NCAM1: variants seen among roughly 807,000 people sequenced by gnomAD.
NCAM1 encodes the protein neural cell adhesion molecule 1.
Under a neutral mutation model 109.8 loss-of-function variants are expected in NCAM1, and 14 were observed. The observed-to-expected ratio is 0.13, with a 90% CI of 0.08 to 0.20. The LOEUF is 0.20. NCAM1 is among the 10% of genes least tolerant of loss of function. The probability of loss-of-function intolerance (pLI) is 1.00; values close to 1 mark genes in which losing one functional copy is unlikely to be tolerated. For synonymous variants in NCAM1, 418 were observed against 442.9 expected (o/e 0.94, Z 0.70); for missense variants, 774 against 1,109.9 (o/e 0.70, Z 4.30).
At chr11:112,998,912 A>G (rs925995653) in intron 1 of NCAM1, among the ~76,000 whole-genome samples, 3 of 152,198 alleles carry the variant, frequency 2.0e-5, no homozygotes, top group African/African-American at 7.2e-5. Context: ...ACAAAGCTAA[A>G]GAGTTTCCTC....
intron 1 of NCAM1, among the ~76,000 whole-genome samples, chr11:113,131,731 C>T (rs1319973691): frequency 6.6e-6 from 1 of 152,194 alleles, no homozygotes; most frequent in African/African-American, 2.4e-5. Flanking sequence ...CCCAGCCAGG[C>T]AGCTGATAGG....
intron 1 of NCAM1, among the ~76,000 whole-genome samples, chr11:113,137,947 C>T (rs1555099771): frequency 2.0e-5 from 3 of 152,060 alleles, no homozygotes; most frequent in African/African-American, 7.2e-5. Context: ...AATTAGATGT[C>T]CGTAGCATAC....
At chr11:113,151,402 CT>C (rs1942219077) in intron 1 of NCAM1, among the ~76,000 whole-genome samples, 1 of 152,180 alleles carries the variant, frequency 6.6e-6, no homozygotes, top group Non-Finnish European at 1.5e-5. Context: ...CTTCGTGATC[CT>C]GAAAGCATTG....
intron 1 of NCAM1, among the ~76,000 whole-genome samples, chr11:113,160,510 C>A (rs1348270513): frequency 6.6e-6 from 1 of 152,148 alleles, no homozygotes; most frequent in Non-Finnish European, 1.5e-5. Context: ...ATGAAAGAAT[C>A]AGACACAACC....
Position 113,270,208 on chromosome 11 carries a change from G to A in NCAM1, c.2152G>A (p.Gly718Ser). 7.4e-6 allele frequency: 12 copies of A among 1,613,972 alleles called. No homozygotes were observed. The highest frequency in any genetic ancestry group is 1.0e-5 in the Non-Finnish European group (12 of 1,179,890). ...AIPANGSPTS[G>S]LSTGAIVGIL... Reference sequence around the variant, plus strand: ...TCAAGCCAACGGCAGCCCCACCTCAGGCCTGAGCACCGGGGCCATCGTGGG... The same window carrying A: ...TCAAGCCAACGGCAGCCCCACCTCAAGCCTGAGCACCGGGGCCATCGTGGG... Residue 718 changes from glycine (G) to serine (S), a missense_variant, in exon 18 of 20, where the codon GGC becomes AGC. Around this residue, in one of 4 missense-constraint regions of NCAM1, gnomAD observed 523 missense variants for 784.2 expected, o/e 0.67. Coordinates refer to ENST00000316851, the MANE Select transcript of NCAM1 (RefSeq NM_181351.5).
chr11:112,979,467 T>C (rs988199813), intron 1 of NCAM1, among the ~76,000 whole-genome samples: 1 of 151,774 alleles, frequency 6.6e-6, no homozygotes, highest in East Asian at 1.9e-4. Flanking sequence ...CACTGAGCAA[T>C]GGCAGAACAG....
chr11:113,188,648 T>C (rs1555109295), intron 1 of NCAM1, among the ~76,000 whole-genome samples: 3 of 152,146 alleles, frequency 2.0e-5, no homozygotes, highest in Non-Finnish European at 4.4e-5. Context: ...ACTGTTGAGG[T>C]TGATTCTATT....
At chr11:113,043,215 A>C (rs1283843135) in intron 1 of NCAM1, among the ~76,000 whole-genome samples, 1 of 152,300 alleles carries the variant, frequency 6.6e-6, no homozygotes, top group Admixed American at 6.5e-5. Flanking sequence ...TGTGGGTGCC[A>C]TGAAGGATTT....
chr11:113,262,811 A>T, intron 17 of NCAM1: 1 of 1,610,444 alleles, frequency 6.2e-7, no homozygotes, highest in Non-Finnish European at 8.5e-7. Context: ...AAACAACCAC[A>T]TTATCTCTGG....
Position 113,180,432 on chromosome 11 carries a change from G to GT in NCAM1, c.53-21946dup, listed in dbSNP as rs1943295921. ...GCAGGATAAAAACAAACTTTTAGAG[G>GT]TAAAAACTATAATGTGAAGTTTTTC... On this transcript the variant is annotated intron_variant, in intron 1 of 19. Coordinates refer to ENST00000316851, the MANE Select transcript of NCAM1 (RefSeq NM_181351.5). Among the ~76,000 whole-genome samples the GT allele has an allele frequency of 3.3e-5, 5 of 152,294 alleles. No homozygotes were observed. The South Asian group carries it at 1.0e-3, about 32-fold the overall frequency.
At chr11:113,001,737 T>G (rs559676544) in intron 1 of NCAM1, among the ~76,000 whole-genome samples, 19 of 152,260 alleles carry the variant, frequency 1.2e-4, no homozygotes, top group Admixed American at 1.3e-4. Context: ...GCCCTGAGTT[T>G]GCAGGTGACA....
intron 1 of NCAM1, among the ~76,000 whole-genome samples, chr11:113,006,820 G>A (rs1951904276): frequency 6.6e-6 from 1 of 152,178 alleles, no homozygotes; most frequent in Non-Finnish European, 1.5e-5. Context: ...TGGTGGAACA[G>A]CACTGGCTGT....
rs1292541090 is a variant in NCAM1, at chr11:113,273,316, A to T, written c.2456+1440A>T. 6 of 342,146 alleles carry T rather than the reference A, an allele frequency of 1.8e-5. No homozygotes were observed. Among genetic ancestry groups the T allele is most frequent in the Admixed American group, 3.9e-5 (1 of 25,810 alleles). 21.2% of individuals were successfully genotyped at this position (342,146 alleles called of 1,614,324 possible). ...CCAAGCGCCCCTGCTGGTGTCGGGGAGGCCTCTAAGGCTCCTCCGGCCAGC... is the reference window on the plus strand; with the variant it reads ...CCAAGCGCCCCTGCTGGTGTCGGGGTGGCCTCTAAGGCTCCTCCGGCCAGC... On this transcript the variant is annotated intron_variant, in intron 19 of 19. Coordinates refer to ENST00000316851, the MANE Select transcript of NCAM1 (RefSeq NM_181351.5). This position sits in a 1 kb window ranked among gnomAD's most constrained non-coding sequence, Gnocchi z 6.0.
chr11:113,026,318 G>A (rs1452287087), intron 1 of NCAM1, among the ~76,000 whole-genome samples: 2 of 152,202 alleles, frequency 1.3e-5, no homozygotes, highest in Admixed American at 6.5e-5. Flanking sequence ...AGTGGACCTA[G>A]AATGAAGTTA....
At chr11:113,229,532 T>C (rs1220365503) in intron 9 of NCAM1, among the ~76,000 whole-genome samples, 1 of 152,206 alleles carries the variant, frequency 6.6e-6, no homozygotes, top group Non-Finnish European at 1.5e-5. Flanking sequence ...TGGCGATTCC[T>C]CAGGGATCTA....
intron 1 of NCAM1, among the ~76,000 whole-genome samples, chr11:112,964,140 G>GT (rs1254307069): frequency 0.066 from 4,791 of 73,010 alleles, 76 homozygotes; most frequent in Non-Finnish European, 0.081. Context: ...TTTTTTTTTT[G>GT]TTTTTTTTTT....
intron 1 of NCAM1, among the ~76,000 whole-genome samples, chr11:113,192,598 A>G (rs1367447194): frequency 6.6e-6 from 1 of 152,202 alleles, no homozygotes; most frequent in African/African-American, 2.4e-5. Context: ...TAATGAGAGA[A>G]TGGCTCTATT....
chr11:112,984,217 T>A (rs1951232762), intron 1 of NCAM1, among the ~76,000 whole-genome samples: 1 of 152,034 alleles, frequency 6.6e-6, no homozygotes, highest in Admixed American at 6.6e-5. Flanking sequence ...TTATCTGTAT[T>A]GCCTTAATGG....
intron 1 of NCAM1, among the ~76,000 whole-genome samples, chr11:113,118,770 A>C (rs1940820370): frequency 6.6e-6 from 1 of 151,916 alleles, no homozygotes; most frequent in Non-Finnish European, 1.5e-5. Flanking sequence ...AAGCTGGACT[A>C]CTGAATTTTA....
Sources: allele counts gnomAD v4.1 joint callset (sites outside exome capture counted in the v4.1 genomes callset), GRCh38; gene constraint gnomAD v4.1.1; regional missense constraint gnomAD v4.1.1; non-coding constraint Gnocchi (gnomAD v3.1); transcripts MANE v1.5; gene names NCBI Gene and HGNC (gene_info 2026-07-23, HGNC 2026-07-21).